ERAP2: variants seen among roughly 807,000 people sequenced by gnomAD.
ERAP2 encodes the protein endoplasmic reticulum aminopeptidase 2.
A neutral mutation model predicts 111.1 loss-of-function variants in ERAP2; 118 were observed. The observed-to-expected ratio is 1.06, with a 90% CI of 0.92 to 1.24. The LOEUF (loss-of-function observed/expected upper bound fraction) is 1.24, where lower values mean the gene tolerates loss of function less well. ERAP2 is among the 50% of genes most tolerant of loss of function. The probability of loss-of-function intolerance (pLI) is 0.00; values close to 1 mark genes in which losing one functional copy is unlikely to be tolerated. For synonymous variants in ERAP2, 410 were observed against 401.2 expected (o/e 1.02, Z -0.26); for missense variants, 1,131 against 1,125.8 (o/e 1.00, Z -0.07).
At chr5:96,877,592 ACT>A (rs1782678882) in intron 1 of ERAP2, among the ~76,000 whole-genome samples, 1 of 152,232 alleles carries the variant, frequency 6.6e-6, no homozygotes, top group Non-Finnish European at 1.5e-5. Context: ...TAATTATTAC[ACT>A]GTTTTATGGT....
intron 6 of ERAP2, among the ~76,000 whole-genome samples, chr5:96,894,127 T>C (rs774236392): frequency 6.6e-6 from 1 of 152,238 alleles, no homozygotes. Flanking sequence ...CTATATTATA[T>C]ACATCTTTGT....
Position 96,909,709 on chromosome 5 carries a change from A to G in ERAP2, c.2299A>G (p.Ile767Val). Reference sequence around the variant, plus strand: ...CTGTGACCTGAACCATGCTCCTTGCATCCAGAAAGCTGCTGAACTCTTCTC... The same window carrying G: ...CTGTGACCTGAACCATGCTCCTTGCGTCCAGAAAGCTGCTGAACTCTTCTC... ...LACDLNHAPC[I>V]QKAAELFSQW... The change falls in exon 15 of 19, where the codon ATC (isoleucine) becomes GTC (valine). Residue 767 changes from isoleucine to valine, a missense_variant. Coordinates refer to ENST00000437043, the MANE Select transcript of ERAP2 (RefSeq NM_022350.5). The G allele has an allele frequency of 6.2e-7, 1 of 1,614,210 alleles. No individual in the cohort carries two copies. Among genetic ancestry groups the G allele is most frequent in the Non-Finnish European group, 8.5e-7 (1 of 1,180,024 alleles).
At chr5:96,915,029 C>T (rs769506073) in intron 17 of ERAP2, among the ~76,000 whole-genome samples, 12 of 151,246 alleles carry the variant, frequency 7.9e-5, no homozygotes, top group Non-Finnish European at 1.5e-4. Context: ...TTTTTTGAGA[C>T]GGAGTTTCAT....
chr5:96,880,600 C>A (rs1256559049), intron 2 of ERAP2, among the ~76,000 whole-genome samples: 1 of 152,056 alleles, frequency 6.6e-6, no homozygotes, highest in Non-Finnish European at 1.5e-5. Context: ...TCATCTGGGA[C>A]CAGAAGGAAA....
chr5:96,896,700 T>C (rs373361120), intron 8 of ERAP2, 32 bp from the exon 9 acceptor site: 248 of 1,543,950 alleles, frequency 1.6e-4, no homozygotes, highest in Non-Finnish European at 2.1e-4. Context: ...TTTCTTTATC[T>C]CTTTTTTCAA....
chr5:96,890,200 C>G (rs1347827364), intron 5 of ERAP2, among the ~76,000 whole-genome samples: 2 of 152,176 alleles, frequency 1.3e-5, no homozygotes, highest in Non-Finnish European at 2.9e-5. Context: ...CTTTTTGACA[C>G]TAGGGACCAG....
At chr5:96,887,440 A>G (rs1025105311) in intron 4 of ERAP2, among the ~76,000 whole-genome samples, 4 of 152,012 alleles carry the variant, frequency 2.6e-5, no homozygotes, top group Middle Eastern at 3.4e-3. Context: ...AGCTGGGACT[A>G]CAAACACAGG....
At chr5:96,913,013 G>A (rs1222467703) in intron 16 of ERAP2, among the ~76,000 whole-genome samples, 1 of 152,164 alleles carries the variant, frequency 6.6e-6, no homozygotes, top group Non-Finnish European at 1.5e-5. Flanking sequence ...GACTAGACAA[G>A]CGGTTATGTT....
Position 96,902,268 on chromosome 5 carries a change from T to A in ERAP2, c.1749-6T>A. 4 of 1,582,224 alleles carry A rather than the reference T, an allele frequency of 2.5e-6. No individual in the cohort carries two copies. The highest frequency in any genetic ancestry group is 1.7e-5 in the Admixed American group (1 of 59,952). ...GGTCTGTAACTATCTTTACTCTCTG[T>A]CATAGGTACCTGTGGCATATCCCAT... On this transcript the variant is annotated splice_region_variant and splice_polypyrimidine_tract_variant and intron_variant, in intron 11 of 18. Transcript: ENST00000437043.
At chr5:96,900,272 C>T (rs752114797) in intron 10 of ERAP2, 83 bp downstream of exon 10, 111 of 1,515,646 alleles carry the variant, frequency 7.3e-5, no homozygotes, top group Non-Finnish European at 9.0e-5. Context: ...GAGTAGCCCA[C>T]CTGTCCCTTT....
Position 96,917,481 on chromosome 5 carries a change from CT to C in ERAP2, c.2760del (p.Glu922ArgfsTer17). The stretch of plus-strand genomic sequence containing the variant: ...TTACAGGTGAAACTATTTTTTGAAT[CT>C]CTTGAGGCTCAAGGATCACATCTGG... ...KLQEVKLFFE[S>X]LEAQGSHLDI... On this transcript the variant is annotated frameshift_variant, in exon 19 of 19. Coordinates refer to ENST00000437043, the MANE Select transcript of ERAP2 (RefSeq NM_022350.5). LOFTEE classifies it high-confidence loss of function. 1.9e-6 allele frequency: 3 copies of C among 1,602,558 alleles called. No individual in the cohort carries two copies. Among genetic ancestry groups the C allele is most frequent in the Non-Finnish European group, 2.6e-6 (3 of 1,174,268 alleles).
chr5:96,904,188 C>G (rs1785789858), intron 13 of ERAP2, among the ~76,000 whole-genome samples: 1 of 152,154 alleles, frequency 6.6e-6, no homozygotes, highest in Non-Finnish European at 1.5e-5. Context: ...TCATTCCTCT[C>G]TAGACTTTCC....
rs1785465447 is a variant in ERAP2, at chr5:96,901,537, A to T, written c.1604A>T (p.Lys535Ile). The T allele has an allele frequency of 6.2e-7, 1 of 1,613,894 alleles. No homozygotes were observed. The highest frequency in any genetic ancestry group is 1.3e-5 in the African/African-American group (1 of 74,902). Residue 535 changes from lysine to isoleucine, a missense_variant, in exon 11 of 19, where the codon AAA (lysine) becomes ATA (isoleucine). By Grantham distance (102) the Lys-to-Ile change is moderately radical. This residue lies in a region of ERAP2 where 847 missense variants were observed against 856.5 expected (regional missense o/e 0.99). Transcript: ENST00000437043. ...TTTCTGGGGGAAAATGCAGAGGTCA[A>T]AGAGATGATGACTACATGGACTCTC... ...LAFLGENAEV[K>I]EMMTTWTLQK...
At chr5:96,910,004 G>A (rs1438580640) in intron 15 of ERAP2, 3 of 379,220 alleles carry the variant, frequency 7.9e-6, no homozygotes, top group East Asian at 4.7e-5. Context: ...AGTGGCCCAC[G>A]CCTATAATCC....
In ERAP2 at chr5:96,903,466, T is replaced by C. The variant is rs1030791044; in HGVS notation, c.1918T>C (p.Trp640Arg). Reference sequence around the variant, plus strand: ...CATCGTTCACTATGAGGGTCATGGATGGGACCAACTCATTACACAGCTGAA... The same window carrying C: ...CATCGTTCACTATGAGGGTCATGGACGGGACCAACTCATTACACAGCTGAA... ...YYIVHYEGHG[W>R]DQLITQLNQN... Residue 640 changes from tryptophan (W) to arginine (R), a missense_variant, in exon 13 of 19, where the codon TGG becomes CGG. This residue lies in a region of ERAP2 where 847 missense variants were observed against 856.5 expected (regional missense o/e 0.99). Transcript: ENST00000437043. The C allele has an allele frequency of 1.2e-6, 2 of 1,614,084 alleles. No homozygotes were observed. The highest frequency in any genetic ancestry group is 1.7e-6 in the Non-Finnish European group (2 of 1,179,960).
chr5:96,902,378 G>A lies in ERAP2; in HGVS notation c.1828+25G>A, dbSNP rs758508870. Reference sequence around the variant, plus strand: ...GGTAATGAACTAATTAGCCAAACAGGTATTTCAATGTGGAAATTAAACATG... The same window carrying A: ...GGTAATGAACTAATTAGCCAAACAGATATTTCAATGTGGAAATTAAACATG... On this transcript the variant is annotated intron_variant, in intron 12 of 18. Transcript: ENST00000437043. The A allele has an allele frequency of 1.3e-5, 19 of 1,410,620 alleles. No homozygotes were observed. In the African/African-American group the frequency reaches 2.0e-4, roughly 15 times the overall value. The allele number at this position is 1,410,620 out of a possible 1,614,324, so 87.4% of individuals were successfully genotyped here.
chr5:96,896,643 T>C (rs201018871), intron 8 of ERAP2, 89 bp from the exon 9 acceptor site: 5 of 361,068 alleles, frequency 1.4e-5, no homozygotes, highest in Admixed American at 1.3e-4. Context: ...ACATCACACA[T>C]GTTCCGTAAA....
chr5:96,888,213 G>A (rs1783969439), intron 4 of ERAP2, among the ~76,000 whole-genome samples: 1 of 151,934 alleles, frequency 6.6e-6, no homozygotes, highest in African/African-American at 2.4e-5. Context: ...TATGTATTAT[G>A]TTCATGAATA....
intron 4 of ERAP2, among the ~76,000 whole-genome samples, chr5:96,888,251 A>G (rs1366441175): frequency 6.6e-6 from 1 of 152,236 alleles, no homozygotes; most frequent in Non-Finnish European, 1.5e-5. Flanking sequence ...TGTAGCACAC[A>G]TACACATCAT....
Sources: allele counts gnomAD v4.1 joint callset (sites outside exome capture counted in the v4.1 genomes callset), GRCh38; gene constraint gnomAD v4.1.1; regional missense constraint gnomAD v4.1.1; transcripts MANE v1.5; gene names NCBI Gene and HGNC (gene_info 2026-07-23, HGNC 2026-07-21).